Variants in PACRG observed in about 807,000 individuals in gnomAD.
The protein encoded by PACRG is parkin coregulated.
A neutral mutation model predicts 29.7 loss-of-function variants in PACRG; 29 were observed. The ratio of observed to expected loss-of-function variants is 0.98; its 90% CI spans 0.73 to 1.33. The LOEUF (loss-of-function observed/expected upper bound fraction) is 1.33. PACRG is among the 40% of genes most tolerant of loss of function. PACRG has a pLI of 0.00. For missense variants in PACRG, 279 were observed against 316.2 expected (o/e 0.88, Z 0.89); for synonymous variants, 116 against 118.7 (o/e 0.98, Z 0.15).
intron 4 of PACRG, among the ~76,000 whole-genome samples, chr6:163,179,045 CT>C (rs1779520251): frequency 6.6e-6 from 1 of 152,132 alleles, no homozygotes; most frequent in South Asian, 2.1e-4. Context: ...AATTTTCAGG[CT>C]GATGAAATAA....
intron 1 of PACRG, among the ~76,000 whole-genome samples, chr6:162,781,830 G>A (rs942074716): frequency 4.0e-5 from 6 of 151,038 alleles, no homozygotes; most frequent in Admixed American, 2.0e-4. Context: ...GTAATCCAAA[G>A]GAAGGCAAGA....
rs527484652 is a variant in PACRG at position 162,755,411 on chromosome 6, C to T, written c.156+27020C>T. 5.3e-5 allele frequency among the ~76,000 whole-genome samples: 8 copies of T among 151,738 alleles called. No homozygotes were observed. The South Asian group carries it at 1.7e-3, about 32-fold the overall frequency. ...TTTATTTCTTCTTTTTCTTCTTCCTCCTCCTCCTCCTTCTTCTTCCTTTTC... is the reference window on the plus strand; with the variant it reads ...TTTATTTCTTCTTTTTCTTCTTCCTTCTCCTCCTCCTTCTTCTTCCTTTTC... On this transcript the variant is annotated intron_variant, in intron 1 of 4. Transcript: ENST00000366888.
rs371010359 is a variant in PACRG at position 163,269,826 on chromosome 6, A to G, written c.614-45001A>G. 6.2e-4 allele frequency among the ~76,000 whole-genome samples: 22 copies of G among 35,336 alleles called. 1 individual carries two copies. Among genetic ancestry groups the G allele is most frequent in the South Asian group, 1.7e-3 (2 of 1,148 alleles). The allele number at this position is 35,336 out of a possible 152,430, so 23.2% of individuals were successfully genotyped here. A position where few individuals can be genotyped will look rare whatever the true frequency, so the allele number is the denominator to read the frequency against. On this transcript the variant is annotated intron_variant, in intron 4 of 4. Transcript: ENST00000366888. ...GAAGGAAGGAAGGAAGGAAGGAGAA[A>G]GAAAGAAAGAAAAAGAAAGAAAGAA...
rs1209716793 is a variant in PACRG, at chr6:163,190,966, CTG to C, written c.613+101562_613+101563del. 3 of 456,166 alleles carry C rather than the reference CTG, an allele frequency of 6.6e-6. No individual in the cohort carries two copies. The East Asian group carries it at 2.1e-4, about 32-fold the overall frequency. 28.3% of individuals were successfully genotyped at this position (456,166 alleles called of 1,614,324 possible). On this transcript the variant is annotated intron_variant, in intron 4 of 4. Coordinates refer to ENST00000366888, the MANE Select transcript of PACRG (RefSeq NM_001080379.2). ...CACCCAATCCATTTCTGAGGGATGA[CTG>C]TGTTCCTGAAACAACTGAAATCAGA...
chr6:163,274,504 C>G (rs942538916), intron 4 of PACRG, among the ~76,000 whole-genome samples: 1 of 152,210 alleles, frequency 6.6e-6, no homozygotes, highest in Middle Eastern at 3.4e-3. Flanking sequence ...GTGTGCATGT[C>G]TCTTTATAGC....
rs1794565819 is a variant in PACRG at position 162,888,955 on chromosome 6, GC to G, written c.291+74676del. On this transcript the variant is annotated intron_variant, in intron 2 of 4. Coordinates refer to ENST00000366888, the MANE Select transcript of PACRG (RefSeq NM_001080379.2). The stretch of plus-strand genomic sequence containing the variant: ...TATATTTCAGGGTATCAGTCATGCG[GC>G]CATGGGATCAGATTTGGAACTCTGT... Among the ~76,000 whole-genome samples, 3 of 152,318 alleles carry G rather than the reference GC, an allele frequency of 2.0e-5. No individual in the cohort carries two copies. The South Asian group carries it at 6.2e-4, about 32-fold the overall frequency.
rs554063558 is a variant in PACRG, at chr6:162,830,700, G to A, written c.291+16419G>A. On this transcript the variant is annotated intron_variant, in intron 2 of 4. Coordinates refer to ENST00000366888, the MANE Select transcript of PACRG (RefSeq NM_001080379.2). Reference sequence around the variant, plus strand: ...TGGTGATCTAGTTGAAAGTGTGCAGGCATGGTGGGGGGTAGACGTCTTACA... The same window carrying A: ...TGGTGATCTAGTTGAAAGTGTGCAGACATGGTGGGGGGTAGACGTCTTACA... Among the ~76,000 whole-genome samples, 119 of 152,326 alleles carry A rather than the reference G, an allele frequency of 7.8e-4. 2 individuals carry two copies. Among genetic ancestry groups the A allele is most frequent in the Middle Eastern group, 3.4e-3 (1 of 294 alleles).
At chr6:163,262,878 A>G (rs1362513951) in intron 4 of PACRG, among the ~76,000 whole-genome samples, 1 of 126,932 alleles carries the variant, frequency 7.9e-6, no homozygotes, top group African/African-American at 2.9e-5. Context: ...CCCCCCCCCC[A>G]TGTCAACTAA....
chr6:163,177,155 G>A (rs562143091), intron 4 of PACRG, among the ~76,000 whole-genome samples: 7 of 152,272 alleles, frequency 4.6e-5, no homozygotes, highest in South Asian at 4.2e-4. Flanking sequence ...CATAACAGAC[G>A]CCCCAAGGCA....
chr6:163,211,108 T>A (rs994619902), intron 4 of PACRG, among the ~76,000 whole-genome samples: 14 of 152,248 alleles, frequency 9.2e-5, no homozygotes, highest in African/African-American at 2.4e-4. Flanking sequence ...ACCTTTTTTT[T>A]AAATTCCCTT....
At position 163,021,792 on chromosome 6, in the gene PACRG, T is replaced by G. The variant is rs184536701; in HGVS notation, c.292-40358T>G. Among the ~76,000 whole-genome samples the G allele has an allele frequency of 1.6e-4, 25 of 152,306 alleles. No individual in the cohort carries two copies. The East Asian group carries it at 4.6e-3, about 28-fold the overall frequency. The stretch of plus-strand genomic sequence containing the variant: ...CACCATGGTTTCCATCATGGTCCCC[T>G]GCCTTTGCCTGGGATGCCCTTCCTG... On this transcript the variant is annotated intron_variant, in intron 2 of 4. Coordinates refer to ENST00000366888, the MANE Select transcript of PACRG (RefSeq NM_001080379.2).
chr6:163,210,956 T>G (rs1781111612), intron 4 of PACRG, among the ~76,000 whole-genome samples: 1 of 152,180 alleles, frequency 6.6e-6, no homozygotes, highest in African/African-American at 2.4e-5. Context: ...TGAAGTGTCT[T>G]AAAATGGAAA....
chr6:163,160,572 C>A (rs977445), intron 4 of PACRG, among the ~76,000 whole-genome samples: 41 of 152,232 alleles, frequency 2.7e-4, no homozygotes, highest in African/African-American at 9.1e-4. Context: ...AAATGGCATA[C>A]CTTTTATACC....
chr6:163,102,133 G>A (rs747275596), intron 4 of PACRG, among the ~76,000 whole-genome samples: 3 of 152,174 alleles, frequency 2.0e-5, no homozygotes, highest in East Asian at 1.9e-4. Context: ...CACTACCGTC[G>A]GGAAACAAGC....
At chr6:162,960,899 A>G (rs1485832737) in intron 2 of PACRG, among the ~76,000 whole-genome samples, 1 of 152,260 alleles carries the variant, frequency 6.6e-6, no homozygotes, top group Admixed American at 6.5e-5. Flanking sequence ...TAACAGCACC[A>G]TCAGGAAAAC....
chr6:163,183,586 A>C (rs967599671), intron 4 of PACRG: 2 of 152,200 alleles, frequency 1.3e-5, no homozygotes, highest in African/African-American at 4.8e-5. Flanking sequence ...AAGAAAAAAA[A>C]AAGGAAGAAA....
chr6:163,235,685 T>C (rs1202847194), intron 4 of PACRG, among the ~76,000 whole-genome samples: 1 of 152,250 alleles, frequency 6.6e-6, no homozygotes, highest in Non-Finnish European at 1.5e-5. Flanking sequence ...TATACATTTC[T>C]CTCTGGAAAA....
At chr6:163,272,326 C>T (rs1021137751) in intron 4 of PACRG, among the ~76,000 whole-genome samples, 10 of 152,136 alleles carry the variant, frequency 6.6e-5, no homozygotes, top group Admixed American at 2.0e-4. Flanking sequence ...CGTAAGCCAC[C>T]GCGCCCGGCC....
rs376965856 is a variant in PACRG, at chr6:162,755,596, C to T, written c.156+27205C>T. On this transcript the variant is annotated intron_variant, in intron 1 of 4. Transcript: ENST00000366888. ...GATTACAGGCACCCGCCACCATGCCCGGCTAATTTTTATATTTTTAAGTAG... is the reference window on the plus strand; with the variant it reads ...GATTACAGGCACCCGCCACCATGCCTGGCTAATTTTTATATTTTTAAGTAG... 1.8e-4 allele frequency among the ~76,000 whole-genome samples: 28 copies of T among 152,072 alleles called. 1 individual carries two copies. Among genetic ancestry groups the T allele is most frequent in the African/African-American group, 6.0e-4 (25 of 41,496 alleles).
Sources: allele counts gnomAD v4.1 joint callset (sites outside exome capture counted in the v4.1 genomes callset), GRCh38; gene constraint gnomAD v4.1.1; transcripts MANE v1.5; gene names NCBI Gene and HGNC (gene_info 2026-07-23, HGNC 2026-07-21).